EML4: variants seen among roughly 807,000 people sequenced by gnomAD.
EML4 encodes the protein EMAP like 4.
EML4 carries 72 observed loss-of-function variants against 129.0 expected under a neutral mutation model. That is an observed-to-expected ratio of 0.56 (90% CI 0.46 to 0.68). The LOEUF is 0.68. EML4 is among the 30% of genes least tolerant of loss of function. The pLI is 0.00. For synonymous variants in EML4, 532 were observed against 405.0 expected (o/e 1.31, Z -3.77); for missense variants, 1,363 against 1,190.6 (o/e 1.14, Z -2.13).
chr2:42,286,050 G>A lies in EML4; in HGVS notation c.1012-219G>A, dbSNP rs946146289. ...ATGTGTAATACTTAGAATAGTATGT[G>A]TAACATAGTAAATACACAAGTTATT... On this transcript the variant is annotated intron_variant, in intron 9 of 22. Coordinates refer to ENST00000318522, the MANE Select transcript of EML4 (RefSeq NM_019063.5). 14 of 606,162 alleles carry A rather than the reference G, an allele frequency of 2.3e-5. No individual in the cohort carries two copies. In the African/African-American group the frequency reaches 2.6e-4, roughly 11 times the overall value. The allele number at this position is 606,162 out of a possible 1,614,324, so 37.5% of individuals were successfully genotyped here.
chr2:42,293,800 G>A (rs559821949), intron 11 of EML4, among the ~76,000 whole-genome samples: 16 of 152,148 alleles, frequency 1.1e-4, no homozygotes, highest in African/African-American at 2.9e-4. Context: ...TAGTAGAGAC[G>A]GGGTTTCACC....
At chr2:42,220,494 ATGT>A (rs1434659825) in intron 1 of EML4, among the ~76,000 whole-genome samples, 1 of 152,080 alleles carries the variant, frequency 6.6e-6, no homozygotes, top group Non-Finnish European at 1.5e-5. Flanking sequence ...TACTTAATAA[ATGT>A]TGTGTGTTCT....
intron 6 of EML4, among the ~76,000 whole-genome samples, chr2:42,269,308 C>G (rs1453533022): frequency 6.6e-6 from 1 of 152,090 alleles, no homozygotes; most frequent in Non-Finnish European, 1.5e-5. Context: ...AGGAAAAACC[C>G]TGAATAATCT....
At chr2:42,288,040 G>A (rs1269170392) in intron 10 of EML4, among the ~76,000 whole-genome samples, 187 bp from the exon 11 acceptor site, 1 of 152,108 alleles carries the variant, frequency 6.6e-6, no homozygotes, top group Non-Finnish European at 1.5e-5. Flanking sequence ...TTTTGTAAAA[G>A]AATCTTTATA....
chr2:42,292,322 G>A (rs1244881572), intron 11 of EML4, among the ~76,000 whole-genome samples: 1 of 152,150 alleles, frequency 6.6e-6, no homozygotes, highest in East Asian at 1.9e-4. Flanking sequence ...TTTGCTAGAA[G>A]GCAAATAGCA....
chr2:42,189,351 T>C (rs1031522967), intron 1 of EML4, among the ~76,000 whole-genome samples: 3 of 152,194 alleles, frequency 2.0e-5, no homozygotes, highest in African/African-American at 7.2e-5. Flanking sequence ...TTCAGGCCTT[T>C]ATCATGTCTC....
At chr2:42,173,842 T>TA (rs1670417059) in intron 1 of EML4, among the ~76,000 whole-genome samples, 1 of 152,080 alleles carries the variant, frequency 6.6e-6, no homozygotes, top group Non-Finnish European at 1.5e-5. Flanking sequence ...CCTCTGCCTC[T>TA]AAAAAATAAA....
intron 1 of EML4, among the ~76,000 whole-genome samples, chr2:42,188,691 A>G (rs1209920125): frequency 1.3e-5 from 2 of 151,916 alleles, no homozygotes; most frequent in Non-Finnish European, 2.9e-5. Flanking sequence ...ATGCCTGGCT[A>G]ATTTTTGTGT....
chr2:42,293,185 T>C (rs1482022407), intron 11 of EML4, among the ~76,000 whole-genome samples: 1 of 152,034 alleles, frequency 6.6e-6, no homozygotes, highest in African/African-American at 2.4e-5. Flanking sequence ...CACAGCTCAC[T>C]GCAACCTCAA....
At chr2:42,210,254 C>T (rs138850039) in intron 1 of EML4, among the ~76,000 whole-genome samples, 1 of 151,942 alleles carries the variant, frequency 6.6e-6, no homozygotes, top group African/African-American at 2.4e-5. Flanking sequence ...GTTTTTGATA[C>T]CTCGACAGTT....
At chr2:42,244,611 G>T (rs1572617145) in intron 1 of EML4, among the ~76,000 whole-genome samples, 1 of 152,146 alleles carries the variant, frequency 6.6e-6, no homozygotes, top group Non-Finnish European at 1.5e-5. Context: ...GTGGTGTTAG[G>T]TGGAGAGAAG....
At chr2:42,284,105 A>G (rs949608913) in intron 8 of EML4, among the ~76,000 whole-genome samples, 1 of 152,238 alleles carries the variant, frequency 6.6e-6, no homozygotes. Flanking sequence ...ACTTACAAGA[A>G]TTTAGCGCTA....
intron 1 of EML4, among the ~76,000 whole-genome samples, chr2:42,180,505 T>G (rs1398232119): frequency 3.9e-5 from 6 of 152,206 alleles, no homozygotes; most frequent in Non-Finnish European, 5.9e-5. Flanking sequence ...AGTCCCTACC[T>G]TACATGCAGC....
intron 1 of EML4, among the ~76,000 whole-genome samples, chr2:42,191,710 G>C (rs899307336): frequency 6.6e-6 from 1 of 152,160 alleles, no homozygotes; most frequent in Admixed American, 6.6e-5. Flanking sequence ...ATTATGCTCA[G>C]TTCTCTTTGC....
At chr2:42,322,865 A>T (rs754416818) in intron 19 of EML4, among the ~76,000 whole-genome samples, 3 of 152,154 alleles carry the variant, frequency 2.0e-5, no homozygotes, top group Non-Finnish European at 4.4e-5. Context: ...TTGCTTATTT[A>T]TTGGAATTGA....
intron 1 of EML4, among the ~76,000 whole-genome samples, chr2:42,209,119 A>G (rs35928905): frequency 6.6e-6 from 1 of 152,326 alleles, no homozygotes; most frequent in Middle Eastern, 3.4e-3. Flanking sequence ...ATGAGAAATT[A>G]CAGTGTATTA....
chr2:42,300,294 C>CTAG (rs1271690851), intron 13 of EML4, among the ~76,000 whole-genome samples: 1 of 152,138 alleles, frequency 6.6e-6, no homozygotes, highest in Non-Finnish European at 1.5e-5. Context: ...CTCTGCTAGC[C>CTAG]TATCTAGCTA....
At chr2:42,265,096 T>TA in intron 6 of EML4, 1 of 813,790 alleles carries the variant, frequency 1.2e-6, no homozygotes. Flanking sequence ...AGCTACATTT[T>TA]ACTTTTTTTT....
chr2:42,172,869 T>C (rs1670359157), intron 1 of EML4, among the ~76,000 whole-genome samples: 1 of 152,192 alleles, frequency 6.6e-6, no homozygotes, highest in African/African-American at 2.4e-5. Context: ...TTTTAGAATC[T>C]CTTTCATAAT....
Sources: allele counts gnomAD v4.1 joint callset (sites outside exome capture counted in the v4.1 genomes callset), GRCh38; gene constraint gnomAD v4.1.1; transcripts MANE v1.5; gene names NCBI Gene and HGNC (gene_info 2026-07-23, HGNC 2026-07-21).